Variants in SVIL observed in about 807,000 individuals in gnomAD.
SVIL encodes archvillin.
A neutral mutation model predicts 240.4 loss-of-function variants in SVIL; 101 were observed. The ratio of observed to expected loss-of-function variants is 0.42; its 90% CI spans 0.36 to 0.50. The LOEUF is 0.50. Among genes scored for constraint, SVIL ranks in the 20% least tolerant of loss-of-function variants. The pLI is 0.01. For synonymous variants in SVIL, 999 were observed against 1,100.0 expected (o/e 0.91, Z 1.82); for missense variants, 2,512 against 2,818.7 (o/e 0.89, Z 2.46).
intron 36 of SVIL, among the ~76,000 whole-genome samples, chr10:29,459,843 C>T (rs1289316380): frequency 6.6e-6 from 1 of 152,132 alleles, no homozygotes; most frequent in Non-Finnish European, 1.5e-5. Context: ...GTAATCTCAA[C>T]ACTGTAGGAG....
chr10:29,558,523 C>T (rs1954146135), intron 3 of SVIL, among the ~76,000 whole-genome samples: 1 of 152,042 alleles, frequency 6.6e-6, no homozygotes, highest in Non-Finnish European at 1.5e-5. Flanking sequence ...ATGTACAAGA[C>T]AAAAAGAAGC....
intron 17 of SVIL, among the ~76,000 whole-genome samples, chr10:29,499,701 A>G (rs374661166): frequency 3.5e-4 from 53 of 152,370 alleles, no homozygotes; most frequent in African/African-American, 1.2e-3. Flanking sequence ...TATCCATGTG[A>G]GCACACAAGG....
intron 1 of SVIL, among the ~76,000 whole-genome samples, chr10:29,633,675 T>C (rs1225861263): frequency 1.4e-5 from 2 of 146,634 alleles, no homozygotes; most frequent in African/African-American, 2.5e-5. Flanking sequence ...TTTTTTTTTT[T>C]CAAAGAAGCA....
intron 35 of SVIL, 144 bp from the exon 36 acceptor site, chr10:29,462,545 GATA>G (rs1198062043): frequency 9.5e-7 from 1 of 1,049,874 alleles, no homozygotes; most frequent in African/African-American, 1.8e-5. Flanking sequence ...ACAACACATG[GATA>G]ATGTTTATAT....
At chr10:29,713,191 A>G (rs1237528691) in intron 1 of SVIL, among the ~76,000 whole-genome samples, 1 of 150,982 alleles carries the variant, frequency 6.6e-6, no homozygotes, top group Non-Finnish European at 1.5e-5. Context: ...AGAAAAAAGA[A>G]AAAAAAAAAC....
At chr10:29,549,827 A>T (rs1230614311) in intron 6 of SVIL, among the ~76,000 whole-genome samples, 5 of 129,706 alleles carry the variant, frequency 3.9e-5, no homozygotes, top group Non-Finnish European at 8.0e-5. Context: ...AACAATGAGA[A>T]CACATGGACA....
chr10:29,488,418 A>C (rs756306681), intron 23 of SVIL, among the ~76,000 whole-genome samples, 183 bp downstream of exon 23: 4 of 152,028 alleles, frequency 2.6e-5, no homozygotes, highest in African/African-American at 4.8e-5. Flanking sequence ...AATACTTCCT[A>C]TGTCATGGGA....
At position 29,532,146 on chromosome 10, in the gene SVIL, T is replaced by C; in HGVS notation, c.1865A>G (p.Glu622Gly). The change falls in exon 9 of 38, where the codon GAA becomes GGA. Residue 622 changes from glutamate to glycine, a missense_variant. By Grantham distance (98) the Glu-to-Gly change is moderately conservative. This residue lies in a region of SVIL where 1,443 missense variants were observed against 1,486.6 expected (regional missense o/e 0.97). Transcript: ENST00000355867. ...ELKSRVERSA[E>G]GPGLPTGVER... Reference sequence around the variant, plus strand: ...CACACCGGTGGGCAAGCCAGGTCCTTCAGCCGACCTCTCCACCCGTGATTT... The same window carrying C: ...CACACCGGTGGGCAAGCCAGGTCCTCCAGCCGACCTCTCCACCCGTGATTT... 6.2e-7 allele frequency: 1 copy of C among 1,613,914 alleles called. No individual in the cohort carries two copies. The highest frequency in any genetic ancestry group is 8.5e-7 in the Non-Finnish European group (1 of 1,179,868).
chr10:29,668,587 T>A (rs952165893), intron 2 of SVIL, among the ~76,000 whole-genome samples: 1 of 152,172 alleles, frequency 6.6e-6, no homozygotes, highest in African/African-American at 2.4e-5. Flanking sequence ...AATTCTCCTG[T>A]CTCAGCCTCC....
chr10:29,530,785 A>G (rs1951306996), intron 10 of SVIL, 117 bp from the exon 11 acceptor site: 1 of 1,092,868 alleles, frequency 9.2e-7, no homozygotes, highest in Admixed American at 1.9e-5. Context: ...GTGCACTAAA[A>G]TAATAATTGG....
At chr10:29,603,883 G>A (rs1487683914) in intron 1 of SVIL, among the ~76,000 whole-genome samples, 1 of 152,154 alleles carries the variant, frequency 6.6e-6, no homozygotes, top group Admixed American at 6.5e-5. Flanking sequence ...GACTTGATCC[G>A]CAAAGGTGAC....
chr10:29,607,007 G>A (rs924434779), intron 1 of SVIL, among the ~76,000 whole-genome samples: 15 of 152,180 alleles, frequency 9.9e-5, no homozygotes, highest in Admixed American at 8.5e-4. Context: ...CATCCACTTC[G>A]ACCTCCCAAA....
At chr10:29,580,566 C>T (rs540703938) in intron 1 of SVIL, among the ~76,000 whole-genome samples, 72 of 152,320 alleles carry the variant, frequency 4.7e-4, no homozygotes, top group Middle Eastern at 3.4e-3. Flanking sequence ...TACGATGTCA[C>T]CTCATGTCAC....
chr10:29,589,983 T>C (rs555549018), intron 1 of SVIL, among the ~76,000 whole-genome samples: 2 of 151,792 alleles, frequency 1.3e-5, no homozygotes, highest in African/African-American at 2.4e-5. Flanking sequence ...CTGGCCAAGA[T>C]GGTGAAACCC....
At chr10:29,601,044 A>C (rs1956793035) in intron 1 of SVIL, among the ~76,000 whole-genome samples, 1 of 152,196 alleles carries the variant, frequency 6.6e-6, no homozygotes, top group South Asian at 2.1e-4. Flanking sequence ...TCATTAATAT[A>C]CATAACTTAT....
chr10:29,494,240 C>T (rs757482021), intron 20 of SVIL, among the ~76,000 whole-genome samples: 1 of 152,164 alleles, frequency 6.6e-6, no homozygotes, highest in Admixed American at 6.5e-5. Flanking sequence ...TGCTGACCCA[C>T]GGGCTAGATC....
intron 6 of SVIL, chr10:29,544,857 C>A: frequency 2.0e-5 from 6 of 297,258 alleles, no homozygotes; most frequent in Non-Finnish European, 2.8e-5. Flanking sequence ...TCTATTTTAA[C>A]AGTTGGGATT....
At chr10:29,639,390 C>T (rs764565538), upstream of SVIL, among the ~76,000 whole-genome samples, 10 of 151,380 alleles carry the variant, frequency 6.6e-5, no homozygotes, top group Non-Finnish European at 1.3e-4. Flanking sequence ...AGGATGGTCT[C>T]GATCTCTCGA....
In SVIL at chr10:29,532,736, C is replaced by T. The variant is rs112187580; in HGVS notation, c.1631G>A (p.Arg544His). The change falls in exon 8 of 38, where the codon CGT (arginine) becomes CAT (histidine). Residue 544 changes from arginine (R) to histidine (H), a missense_variant. Transcript: ENST00000355867. The stretch of plus-strand genomic sequence containing the variant: ...TGTGAAATCTGACAGAGAGCGGGTA[C>T]GGACCTTGCGCTTTTTCGAGGCTTC... ...NREASKKRKVRTRSLSDFTGP... is the reference protein window; with the variant it reads ...NREASKKRKVHTRSLSDFTGP... 1.1e-4 allele frequency: 184 copies of T among 1,614,146 alleles called. 1 individual carries two copies. The highest frequency in any genetic ancestry group is 3.5e-4 in the African/African-American group (26 of 75,042).
Sources: allele counts gnomAD v4.1 joint callset (sites outside exome capture counted in the v4.1 genomes callset), GRCh38; gene constraint gnomAD v4.1.1; regional missense constraint gnomAD v4.1.1; transcripts MANE v1.5; gene names NCBI Gene and HGNC (gene_info 2026-07-23, HGNC 2026-07-21).